CTTN: variants seen among roughly 807,000 people sequenced by gnomAD.
CTTN encodes src substrate cortactin.
A neutral mutation model predicts 84.0 loss-of-function variants in CTTN; 28 were observed. That is an observed-to-expected ratio of 0.33 (90% confidence interval 0.25 to 0.46). The LOEUF is 0.46. CTTN is among the 20% of genes least tolerant of loss of function. The pLI is 1.00. For synonymous variants in CTTN, 301 were observed against 288.8 expected, an observed-to-expected ratio of 1.04 and a Z score of -0.43; for missense variants, 641 against 723.8, an observed-to-expected ratio of 0.89 and a Z score of 1.31.
intron 13 of CTTN, among the ~76,000 whole-genome samples, chr11:70,427,211 A>G (rs1268718288): frequency 6.6e-6 from 1 of 151,910 alleles, no homozygotes; most frequent in African/African-American, 2.4e-5. Context: ...GTAGCTGGGC[A>G]TGGTGGTCCA....
At chr11:70,411,409 G>A (rs571604154) in intron 5 of CTTN, among the ~76,000 whole-genome samples, 1 of 116,178 alleles carries the variant, frequency 8.6e-6, no homozygotes, top group Admixed American at 7.6e-5. Flanking sequence ...GACGGAATCC[G>A]TGTTCAGTGC....
At position 70,420,079 on chromosome 11, in the gene CTTN, C is replaced by T. The variant is rs963223398; in HGVS notation, c.679+223C>T. On this transcript the variant is annotated intron_variant, in intron 9 of 17. Coordinates refer to ENST00000301843, the MANE Select transcript of CTTN (RefSeq NM_005231.4). ...CTCCAGCCCCAGCGGCGTTGCTTAT[C>T]GTGGTGGCCACACCCCGCACGTCTG... The T allele has an allele frequency of 8.3e-6, 5 of 600,306 alleles. No homozygotes were observed. The Admixed American group carries it at 9.5e-5, about 11-fold the overall frequency. The allele number at this position is 600,306 out of a possible 1,614,324, so 37.2% of individuals were successfully genotyped here.
In CTTN at chr11:70,414,589, G is replaced by T; in HGVS notation, c.339G>T (p.Ser113=). Residue 113 remains serine (S), a synonymous_variant, in exon 6 of 18, where the codon TCG becomes TCT. Transcript: ENST00000301843. The part of the protein sequence containing the change: ...EYQSKLSKHC[S]QVDSVRGFGG... ...AGTCGAAACTTTCCAAGCACTGCTC[G>T]CAGGTGGACTCGGTCCGTGGCTTCG... 1 of 1,614,198 alleles carries T rather than the reference G, an allele frequency of 6.2e-7. No individual in the cohort carries two copies. Among genetic ancestry groups the T allele is most frequent in the East Asian group, 2.2e-5 (1 of 44,884 alleles).
chr11:70,401,022 G>A (rs564895496), intron 1 of CTTN, among the ~76,000 whole-genome samples: 2 of 152,292 alleles, frequency 1.3e-5, no homozygotes, highest in Admixed American at 6.5e-5. Flanking sequence ...GTGGACGGAT[G>A]GTTCTGTCCT....
At chr11:70,425,143 A>G (rs560799507) in intron 12 of CTTN, among the ~76,000 whole-genome samples, 189 bp from the exon 13 acceptor site, 29 of 152,160 alleles carry the variant, frequency 1.9e-4, no homozygotes, top group Non-Finnish European at 3.2e-4. Flanking sequence ...ATTGCCTGCA[A>G]ATGTGGTTGG....
rs1207468769 is a variant in CTTN, at chr11:70,422,947, C to T, written c.909C>T (p.Ser303=). The T allele has an allele frequency of 6.2e-7, 1 of 1,614,000 alleles. No homozygotes were observed. Among genetic ancestry groups the T allele is most frequent in the African/African-American group, 1.3e-5 (1 of 74,912 alleles). Residue 303 remains serine, a synonymous_variant, in exon 12 of 18, where the codon TCC becomes TCT. Coordinates refer to ENST00000301843, the MANE Select transcript of CTTN (RefSeq NM_005231.4). The part of the protein sequence containing the change: ...LAKHESQQDY[S]KGFGGKYGVQ... ...TGTTTTGCCACGTTTCAGACTACTC[C>T]AAAGGATTCGGCGGGAAGTATGGGG...
chr11:70,420,614 G>C lies in CTTN; in HGVS notation c.790+104G>C. 4 of 823,272 alleles carry C rather than the reference G, an allele frequency of 4.9e-6. No homozygotes were observed. The South Asian group carries it at 6.0e-5, about 12-fold the overall frequency. The allele number at this position is 823,272 out of a possible 1,614,324, so 51.0% of individuals were successfully genotyped here. A position where few individuals can be genotyped will look rare whatever the true frequency, so the allele number is the denominator to read the frequency against. On this transcript the variant is annotated intron_variant, in intron 10 of 17. Transcript: ENST00000301843. ...TGTCTGCGTGTGCCTGCTGCACATTGTTTTGTCTTCACTGTTTGAAGTTGT... is the reference window on the plus strand; with the variant it reads ...TGTCTGCGTGTGCCTGCTGCACATTCTTTTGTCTTCACTGTTTGAAGTTGT...
chr11:70,422,167 G>A (rs987502066), intron 11 of CTTN: 1 of 328,870 alleles, frequency 3.0e-6, no homozygotes, highest in Non-Finnish European at 6.1e-6. Context: ...GTATGTACGT[G>A]AAGCCAGCTC....
At chr11:70,432,277 C>T (rs2058361277) in intron 15 of CTTN, among the ~76,000 whole-genome samples, 1 of 152,214 alleles carries the variant, frequency 6.6e-6, no homozygotes, top group South Asian at 2.1e-4. Flanking sequence ...CTCAAGGAAG[C>T]TCCGACCCTG....
chr11:70,430,699 T>TCC (rs1054369243), intron 14 of CTTN, among the ~76,000 whole-genome samples: 1 of 152,160 alleles, frequency 6.6e-6, no homozygotes, highest in Non-Finnish European at 1.5e-5. Context: ...TTCATGTCCA[T>TCC]CCCATGTGCA....
intron 12 of CTTN, among the ~76,000 whole-genome samples, chr11:70,423,854 T>TG (rs550214035): frequency 1.1e-3 from 165 of 152,192 alleles, no homozygotes; most frequent in African/African-American, 3.6e-3. Flanking sequence ...CAAGGAACAC[T>TG]GGGGGGGTCT....
At chr11:70,434,417 C>T (rs568426222) in intron 17 of CTTN, among the ~76,000 whole-genome samples, 16 of 152,406 alleles carry the variant, frequency 1.0e-4, no homozygotes, top group South Asian at 6.2e-4. Context: ...AACCCCCGGC[C>T]TCTGCCTCTT....
In CTTN at chr11:70,431,199, C is replaced by T; in HGVS notation, c.1185C>T (p.Ala395=). ...TTTGTTTTCAATCACAGGAGCAAGC[C>T]AGAGCCAAAACGCAAACGCCCCCTG... is the stretch of plus-strand genomic sequence containing the variant. ...EEARRKLEEQ[A]RAKTQTPPVS... is the part of the protein sequence containing the mutation. The change falls in exon 15 of 18, where the codon GCC becomes GCT. Residue 395 remains alanine, a synonymous_variant. Coordinates refer to ENST00000301843, the MANE Select transcript of CTTN (RefSeq NM_005231.4). 6.2e-7 allele frequency: 1 copy of T among 1,614,146 alleles called. No homozygotes were observed. The highest frequency in any genetic ancestry group is 8.5e-7 in the Non-Finnish European group (1 of 1,180,014).
chr11:70,414,444 C>G (rs2058134079), intron 5 of CTTN, 98 bp from the exon 6 acceptor site: 1 of 862,934 alleles, frequency 1.2e-6, no homozygotes, highest in Non-Finnish European at 1.9e-6. Context: ...TTTCCCTGCA[C>G]TGACCAGGAT....
chr11:70,401,062 G>A (rs763138811), intron 1 of CTTN, among the ~76,000 whole-genome samples: 4 of 152,160 alleles, frequency 2.6e-5, no homozygotes, highest in African/African-American at 9.7e-5. Flanking sequence ...TGCCAGGCTC[G>A]GTGGCTCACA....
chr11:70,434,087 C>T (rs2058386886), intron 17 of CTTN, among the ~76,000 whole-genome samples: 1 of 152,230 alleles, frequency 6.6e-6, no homozygotes, highest in East Asian at 1.9e-4. Flanking sequence ...ATGTTCGAGA[C>T]CCCATTCCTG....
intron 4 of CTTN, among the ~76,000 whole-genome samples, chr11:70,409,521 G>A (rs1054864481): frequency 1.1e-4 from 17 of 152,120 alleles, no homozygotes; most frequent in African/African-American, 2.9e-4. Context: ...TATTTTCTGC[G>A]TGTGAAATAA....
intron 11 of CTTN, chr11:70,422,470 G>T (rs2058248720): frequency 7.8e-6 from 10 of 1,276,214 alleles, no homozygotes; most frequent in Non-Finnish European, 9.2e-6. Flanking sequence ...TCTTTGGCTG[G>T]TAGAATTTCC....
At chr11:70,413,159 AT>A (rs1404530108) in intron 5 of CTTN, among the ~76,000 whole-genome samples, 14 of 152,244 alleles carry the variant, frequency 9.2e-5, no homozygotes. Context: ...TGCTTTTTCA[AT>A]AGGGGAAATA....
Sources: gnomAD v4.1 joint callset for allele counts (sites outside exome capture counted in the v4.1 genomes callset) on GRCh38, gnomAD v4.1.1 for gene constraint, MANE v1.5 for transcripts, NCBI Gene and HGNC (gene_info 2026-07-23, HGNC 2026-07-21) for gene names.